Variants in IGSF10 observed in about 807,000 individuals in gnomAD.
IGSF10 encodes immunoglobulin superfamily member 10.
In IGSF10, 126 loss-of-function variants were observed where a neutral mutation model predicts 128.2. The observed-to-expected ratio is 0.98, with a 90% CI of 0.85 to 1.14. The LOEUF is 1.14. Ranked by LOEUF, IGSF10 falls within the 50% of genes most tolerant of loss-of-function variation. IGSF10 has a pLI of 0.00. For synonymous variants in IGSF10, 1,185 were observed against 1,146.2 expected (o/e 1.03, Z -0.68); for missense variants, 3,295 against 3,149.8 (o/e 1.05, Z -1.10).
chr3:151,469,641 C>A, the IGSF10 span, among the ~76,000 whole-genome samples: 1 of 152,122 alleles, frequency 6.6e-6, no homozygotes, highest in African/African-American at 2.4e-5. Context: ...TGGGCCTCTT[C>A]CCCAACTGAT....
At chr3:151,582,935 A>G in the IGSF10 span, among the ~76,000 whole-genome samples, 2 of 152,122 alleles carry the variant, frequency 1.3e-5, no homozygotes, top group African/African-American at 4.8e-5. Context: ...ATTTTTTGGT[A>G]AATATTCTTT....
At chr3:151,520,320 A>G in the IGSF10 span, among the ~76,000 whole-genome samples, 90 of 151,998 alleles carry the variant, frequency 5.9e-4, no homozygotes, top group East Asian at 0.016. Flanking sequence ...TTATTAGCAT[A>G]TCTTGGCTAG....
rs567323359 is a variant in IGSF10 at position 151,458,684 on chromosome 3, G to A, written c.26C>T (p.Thr9Ile). Residue 9 changes from threonine to isoleucine, a missense_variant, in exon 3 of 8, where the codon ACC (threonine) becomes ATC (isoleucine). Physicochemically the swap from Thr to Ile is moderately conservative, Grantham distance 89 (BLOSUM62 -1). Coordinates refer to ENST00000282466, the MANE Select transcript of IGSF10 (RefSeq NM_178822.5). ...CACAGCAAAGGAGACCAGCAAGCAG[G>A]TGATTCCTCTGCCTTTTACCTTCAT... MKVKGRGI[T>I]CLLVSFAVIC... The A allele has an allele frequency of 1.5e-5, 24 of 1,613,824 alleles. No homozygotes were observed. The South Asian group carries it at 2.6e-4, about 18-fold the overall frequency.
chr3:151,586,149 G>A, the IGSF10 span, among the ~76,000 whole-genome samples: 2 of 151,886 alleles, frequency 1.3e-5, no homozygotes, highest in Non-Finnish European at 2.9e-5. Context: ...TTGTAGAAAT[G>A]AGGTATCACC....
At chr3:151,490,164 C>A in the IGSF10 span, among the ~76,000 whole-genome samples, 2 of 152,120 alleles carry the variant, frequency 1.3e-5, no homozygotes, top group Non-Finnish European at 2.9e-5. Context: ...GCTTTAAGAA[C>A]ACACATAGGC....
chr3:151,531,607 C>G, the IGSF10 span, among the ~76,000 whole-genome samples: 4 of 151,914 alleles, frequency 2.6e-5, no homozygotes, highest in South Asian at 6.2e-4. Context: ...GAAATGAAGA[C>G]AGAAATAAGT....
In IGSF10 at chr3:151,448,971, G is replaced by T; in HGVS notation, c.1010C>A (p.Pro337His). The T allele has an allele frequency of 6.2e-7, 1 of 1,614,202 alleles. No individual in the cohort carries two copies. Among genetic ancestry groups the T allele is most frequent in the East Asian group, 2.2e-5 (1 of 44,890 alleles). The change falls in exon 6 of 8, where the codon CCC becomes CAC. Residue 337 changes from proline to histidine, a missense_variant. By Grantham distance (77) the Pro-to-His change is moderately conservative. Transcript: ENST00000282466. ...EANMVCSIQK[P>H]SRTSPIAFTE... ...GAATGCAATGGGTGATGTCCTTGAGGGCTTTTGAATACTGCAGACCATGTT... is the reference window on the plus strand; with the variant it reads ...GAATGCAATGGGTGATGTCCTTGAGTGCTTTTGAATACTGCAGACCATGTT...
rs34882912 is a variant in IGSF10 at position 151,446,832 on chromosome 3, CT to C, written c.3148del (p.Ser1050AlafsTer12). 6.2e-7 allele frequency: 1 copy of C among 1,614,130 alleles called. No homozygotes were observed. The highest frequency in any genetic ancestry group is 8.5e-7 in the Non-Finnish European group (1 of 1,180,022). On this transcript the variant is annotated frameshift_variant, in exon 6 of 8. Transcript: ENST00000282466. LOFTEE classifies it high-confidence loss of function. ...CACTGTGGCTGAGAATGCAGTAGTG[CT>C]TTTTTCAGAAGAACCTCTGGTTGTT... ...RSTTRGSSEK[S>X]TTAFSATVLN... is the part of the protein sequence containing the mutation.
chr3:151,481,109 C>T, the IGSF10 span, among the ~76,000 whole-genome samples: 1 of 152,134 alleles, frequency 6.6e-6, no homozygotes, highest in Non-Finnish European at 1.5e-5. Context: ...GCCTGACCCC[C>T]CAGAGATCCA....
At chr3:151,603,347 T>C in the IGSF10 span, among the ~76,000 whole-genome samples, 2 of 152,220 alleles carry the variant, frequency 1.3e-5, no homozygotes, top group Non-Finnish European at 2.9e-5. Context: ...GGGGTGGTTG[T>C]GAGGATTAGA....
intron 5 of IGSF10, among the ~76,000 whole-genome samples, chr3:151,451,725 T>C (rs921102111): frequency 6.6e-6 from 1 of 152,246 alleles, no homozygotes; most frequent in African/African-American, 2.4e-5. Flanking sequence ...ATTGGTGCTA[T>C]GACATATATT....
chr3:151,561,024 T>C, the IGSF10 span, among the ~76,000 whole-genome samples: 1 of 152,194 alleles, frequency 6.6e-6, no homozygotes, highest in Non-Finnish European at 1.5e-5. Context: ...TCTTTCTAAA[T>C]TGAGCCAACA....
chr3:151,438,697 T>A (rs1266404745), intron 7 of IGSF10, 100 bp from the exon 8 acceptor site: 2 of 794,406 alleles, frequency 2.5e-6, no homozygotes, highest in South Asian at 1.8e-5. Flanking sequence ...TATTGAAGCA[T>A]GACCAATGAA....
the IGSF10 span, among the ~76,000 whole-genome samples, chr3:151,552,396 CT>C: frequency 6.6e-6 from 1 of 152,086 alleles, no homozygotes; most frequent in Non-Finnish European, 1.5e-5. Flanking sequence ...AGGAAGGCAA[CT>C]TTATTTGGAG....
At chr3:151,492,742 A>AAAGC in the IGSF10 span, among the ~76,000 whole-genome samples, 1 of 40,656 alleles carries the variant, frequency 2.5e-5, no homozygotes, top group African/African-American at 1.7e-4. Context: ...CAAAAAAATT[A>AAAGC]AAGCAAACAA....
the IGSF10 span, among the ~76,000 whole-genome samples, chr3:151,472,175 C>A: frequency 6.6e-6 from 1 of 152,104 alleles, no homozygotes; most frequent in Non-Finnish European, 1.5e-5. Context: ...CCTGGAAAAA[C>A]AATCAAAGTT....
At chr3:151,518,103 T>C in the IGSF10 span, among the ~76,000 whole-genome samples, 2 of 152,022 alleles carry the variant, frequency 1.3e-5, no homozygotes, top group Admixed American at 6.6e-5. Flanking sequence ...TGCCTACTTA[T>C]ATATTTTAAG....
rs546623518 is a variant in IGSF10, at chr3:151,447,675, G to A, written c.2306C>T (p.Pro769Leu). 4.4e-5 allele frequency: 71 copies of A among 1,614,108 alleles called. No homozygotes were observed. Among genetic ancestry groups the A allele is most frequent in the Non-Finnish European group, 5.8e-5 (68 of 1,180,010 alleles). ...CACTGTGGTATTTTCTCGCTTGTCT[G>A]GCATAGCATTCTTTTTAGCTTTCTC... ...LLEKAKKNAMPDKRENTTVSP... is the reference protein window; with the variant it reads ...LLEKAKKNAMLDKRENTTVSP... Residue 769 changes from proline (P) to leucine (L), a missense_variant, in exon 6 of 8, where the codon CCA becomes CTA. Transcript: ENST00000282466.
chr3:151,508,177 G>A, the IGSF10 span, among the ~76,000 whole-genome samples: 3 of 151,948 alleles, frequency 2.0e-5, no homozygotes, highest in Non-Finnish European at 4.4e-5. Flanking sequence ...ATAAAAATGT[G>A]TATTAAAAAT....
Sources: gnomAD v4.1 joint callset for allele counts (sites outside exome capture counted in the v4.1 genomes callset) on GRCh38, gnomAD v4.1.1 for gene constraint, MANE v1.5 for transcripts, NCBI Gene and HGNC (gene_info 2026-07-23, HGNC 2026-07-21) for gene names.